Variants in ZFHX4 observed in about 807,000 individuals in gnomAD.
ZFHX4 encodes zinc finger homeobox 4, also known as zinc finger homeobox protein 4.
Under a neutral mutation model 267.6 loss-of-function variants are expected in ZFHX4, and 56 were observed. That is an observed-to-expected ratio of 0.21 (90% CI 0.17 to 0.26). The LOEUF (loss-of-function observed/expected upper bound fraction) is 0.26, where lower values mean the gene tolerates loss of function less well. ZFHX4 is among the 10% of genes least tolerant of loss of function. ZFHX4 has a pLI of 1.00. For synonymous variants in ZFHX4, 1,778 were observed against 1,665.6 expected (o/e 1.07, Z -1.64); for missense variants, 4,332 against 4,420.0 (o/e 0.98, Z 0.56).
intron 1 of ZFHX4, among the ~76,000 whole-genome samples, chr8:76,695,808 T>C (rs1251527499): frequency 2.0e-5 from 3 of 152,230 alleles, no homozygotes; most frequent in East Asian, 1.9e-4. Flanking sequence ...GATTAGTTTT[T>C]TCCCCCAGCT....
At chr8:76,786,439 A>T (rs886659073) in intron 4 of ZFHX4, among the ~76,000 whole-genome samples, 34 of 151,048 alleles carry the variant, frequency 2.3e-4, no homozygotes, top group Non-Finnish European at 4.3e-4. Flanking sequence ...AGATAAGGAG[A>T]TTATCTGAGT....
intron 1 of ZFHX4, among the ~76,000 whole-genome samples, chr8:76,694,557 A>C (rs1807904483): frequency 6.6e-6 from 1 of 152,024 alleles, no homozygotes; most frequent in South Asian, 2.1e-4. Flanking sequence ...TTTAAGAGAC[A>C]GTCAGCCGGC....
At chr8:76,832,757 C>T (rs1811969509) in intron 4 of ZFHX4, among the ~76,000 whole-genome samples, 1 of 152,076 alleles carries the variant, frequency 6.6e-6, no homozygotes, top group African/African-American at 2.4e-5. Flanking sequence ...ACAATAATGA[C>T]TTGTGTTTGG....
intron 4 of ZFHX4, among the ~76,000 whole-genome samples, chr8:76,796,927 G>C (rs1420193797): frequency 1.3e-5 from 2 of 152,072 alleles, no homozygotes; most frequent in African/African-American, 4.8e-5. Flanking sequence ...TTCTAACTAA[G>C]GCTAAAATGT....
At chr8:76,755,781 G>C (rs1809744256) in intron 3 of ZFHX4, among the ~76,000 whole-genome samples, 1 of 152,012 alleles carries the variant, frequency 6.6e-6, no homozygotes, top group South Asian at 2.1e-4. Flanking sequence ...CGACTTCTTT[G>C]AGCAAGTATC....
rs529073157 is a variant in ZFHX4, at chr8:76,734,323, CA to C, written c.3093+26282del. Reference sequence around the variant, plus strand: ...GCACCAGTGAGGCCGTGAAAACAAACAAAAAAAGGCAGATGGTTCATTTAGT... The same window carrying C: ...GCACCAGTGAGGCCGTGAAAACAAACAAAAAAGGCAGATGGTTCATTTAGT... On this transcript the variant is annotated intron_variant, in intron 3 of 10. Transcript: ENST00000651372. Among the ~76,000 whole-genome samples the C allele has an allele frequency of 1.3e-4, 20 of 151,868 alleles. 1 individual carries two copies. The South Asian group carries it at 4.2e-3, about 32-fold the overall frequency.
intron 3 of ZFHX4, among the ~76,000 whole-genome samples, chr8:76,723,627 T>C (rs1808780313): frequency 6.6e-6 from 1 of 151,666 alleles, no homozygotes; most frequent in African/African-American, 2.4e-5. Context: ...TCCCAGACTC[T>C]ATGCTAGGAA....
chr8:76,754,034 A>G (rs146734182), intron 3 of ZFHX4, among the ~76,000 whole-genome samples: 344 of 151,892 alleles, frequency 2.3e-3, no homozygotes, highest in African/African-American at 7.8e-3. Context: ...AAAGTATTTA[A>G]CCTCCCCAAG....
rs1808261332 is a variant in ZFHX4 at position 76,706,102 on chromosome 8, G to C, written c.2014G>C (p.Gly672Arg). 6.2e-7 allele frequency: 1 copy of C among 1,613,568 alleles called. No homozygotes were observed. Among genetic ancestry groups the C allele is most frequent in the East Asian group, 2.2e-5 (1 of 44,852 alleles). ...HMKEKHPEPG[G>R]SCVYCKTGQP... is the part of the protein sequence containing the mutation. ...GAAGGAGAAACACCCTGAGCCGGGTGGCTCTTGTGTTTATTGTAAGACTGG... is the reference window on the plus strand; with the variant it reads ...GAAGGAGAAACACCCTGAGCCGGGTCGCTCTTGTGTTTATTGTAAGACTGG... The change falls in exon 2 of 11, where the codon GGC (glycine) becomes CGC (arginine). Residue 672 changes from glycine to arginine, a missense_variant. Physicochemically the swap from Gly to Arg is moderately radical, Grantham distance 125. Around this residue, in one of 7 missense-constraint regions of ZFHX4, gnomAD observed 1,195 missense variants for 1,173.6 expected, o/e 1.02. Coordinates refer to ENST00000651372, the MANE Select transcript of ZFHX4 (RefSeq NM_024721.5).
chr8:76,827,104 T>C (rs549378744), intron 4 of ZFHX4, among the ~76,000 whole-genome samples: 1 of 152,324 alleles, frequency 6.6e-6, no homozygotes, highest in South Asian at 2.1e-4. Context: ...TCCAACCTTT[T>C]TGGCACCAGG....
chr8:76,774,072 C>T (rs528175917), intron 3 of ZFHX4, among the ~76,000 whole-genome samples: 1 of 152,062 alleles, frequency 6.6e-6, no homozygotes, highest in African/African-American at 2.4e-5. Flanking sequence ...AAATTCTGGA[C>T]CCCCATCCAA....
intron 4 of ZFHX4, among the ~76,000 whole-genome samples, chr8:76,809,863 A>G (rs536719396): frequency 6.6e-6 from 1 of 152,340 alleles, no homozygotes; most frequent in South Asian, 2.1e-4. Context: ...GAGTTAACTT[A>G]CGGTCTTACG....
At position 76,856,319 on chromosome 8, in the gene ZFHX4, A is replaced by T. The variant is rs2131965026; in HGVS notation, c.9379+19A>T. ...TCAAACAGTAAGTCATTTAAAGGAG[A>T]CTCAGTCTAGTTAATTAAGTAGCAT... On this transcript the variant is annotated intron_variant, in intron 10 of 10. Transcript: ENST00000651372. 1 of 1,612,526 alleles carries T rather than the reference A, an allele frequency of 6.2e-7. No individual in the cohort carries two copies. The highest frequency in any genetic ancestry group is 2.2e-5 in the East Asian group (1 of 44,792).
intron 3 of ZFHX4, among the ~76,000 whole-genome samples, chr8:76,758,338 G>C (rs1809818705): frequency 6.6e-6 from 1 of 152,012 alleles, no homozygotes; most frequent in Non-Finnish European, 1.5e-5. Context: ...TCAAAATAAA[G>C]AAACATGCGT....
Position 76,855,585 on chromosome 8 carries a change from C to A in ZFHX4, c.8664C>A (p.Ile2888=). The A allele has an allele frequency of 6.2e-7, 1 of 1,613,878 alleles. No homozygotes were observed. Residue 2888 remains isoleucine, a synonymous_variant, in exon 10 of 11, where the codon ATC becomes ATA. Coordinates refer to ENST00000651372, the MANE Select transcript of ZFHX4 (RefSeq NM_024721.5). Reference sequence around the variant, plus strand: ...GCGACCACGACCAAAGCTTTTACATCACAGATGACCCGGATGACAACGCCG... The same window carrying A: ...GCGACCACGACCAAAGCTTTTACATAACAGATGACCCGGATGACAACGCCG... The part of the protein sequence containing the change: ...KDGDHDQSFY[I]TDDPDDNADR...
rs1320491159 is a variant in ZFHX4 at position 76,702,687 on chromosome 8, A to G, written c.-46-1356A>G. Among the ~76,000 whole-genome samples the G allele has an allele frequency of 3.3e-5, 5 of 152,184 alleles. No individual in the cohort carries two copies. In the East Asian group the frequency reaches 9.6e-4, roughly 29 times the overall value. ...AACATTAATCTTTCTTGTTTTAGAA[A>G]TTGTCAGGATATGTGAAAGTGTTGA... On this transcript the variant is annotated intron_variant, in intron 1 of 10. Transcript: ENST00000651372.
At position 76,771,583 on chromosome 8, in the gene ZFHX4, C is replaced by T. The variant is rs527730445; in HGVS notation, c.3094-6625C>T. Among the ~76,000 whole-genome samples, 17 of 152,120 alleles carry T rather than the reference C, an allele frequency of 1.1e-4. No individual in the cohort carries two copies. The East Asian group carries it at 1.7e-3, about 16-fold the overall frequency. ...ACTCCCGAGTAGTTGGGACTACAGG[C>T]GCCTGCCACCATGCCTGGCTAATTT... is the stretch of plus-strand genomic sequence containing the variant. On this transcript the variant is annotated intron_variant, in intron 3 of 10. Transcript: ENST00000651372.
intron 4 of ZFHX4, among the ~76,000 whole-genome samples, chr8:76,793,437 A>T (rs1810891308): frequency 6.6e-6 from 1 of 152,226 alleles, no homozygotes; most frequent in Admixed American, 6.5e-5. Flanking sequence ...TTGAAGTTAA[A>T]AATCCCTACT....
chr8:76,784,230 T>C (rs1810627854), intron 4 of ZFHX4, among the ~76,000 whole-genome samples: 1 of 151,904 alleles, frequency 6.6e-6, no homozygotes, highest in African/African-American at 2.4e-5. Flanking sequence ...TTATTTTATT[T>C]TATTTTATTT....
Sources: gnomAD v4.1 joint callset for allele counts (sites outside exome capture counted in the v4.1 genomes callset) on GRCh38, gnomAD v4.1.1 for gene constraint, gnomAD v4.1.1 regional missense constraint, MANE v1.5 for transcripts, NCBI Gene and HGNC (gene_info 2026-07-23, HGNC 2026-07-21) for gene names.